MIPEP: variants seen among roughly 807,000 people sequenced by gnomAD.
MIPEP encodes mitochondrial intermediate peptidase.
MIPEP carries 79 observed loss-of-function variants against 90.3 expected under a neutral mutation model. The observed-to-expected ratio is 0.87, with a 90% CI of 0.73 to 1.05. The LOEUF is 1.05. Ranked by LOEUF, MIPEP falls within the 50% of genes least tolerant of loss-of-function variation. The pLI is 0.00. For synonymous variants in MIPEP, 334 were observed against 315.8 expected, an observed-to-expected ratio of 1.06 and a Z score of -0.61; for missense variants, 940 against 905.6, an observed-to-expected ratio of 1.04 and a Z score of -0.49.
intron 16 of MIPEP, among the ~76,000 whole-genome samples, chr13:23,762,948 C>T (rs1046902212): frequency 6.6e-6 from 1 of 152,190 alleles, no homozygotes; most frequent in African/African-American, 2.4e-5. Context: ...AGTCTTTTGC[C>T]AGCAAGGTCC....
chr13:23,878,104 G>A (rs1381511903), intron 4 of MIPEP, among the ~76,000 whole-genome samples: 1 of 152,168 alleles, frequency 6.6e-6, no homozygotes, highest in Non-Finnish European at 1.5e-5. Flanking sequence ...AGTAAATAGA[G>A]ATTATGAATA....
At chr13:23,771,933 G>C (rs954583016) in intron 16 of MIPEP, among the ~76,000 whole-genome samples, 3 of 152,040 alleles carry the variant, frequency 2.0e-5, no homozygotes, top group African/African-American at 7.3e-5. Flanking sequence ...GAGGTAAAAA[G>C]CCAGACGTGT....
At chr13:23,829,979 G>A (rs1263925823) in intron 14 of MIPEP, among the ~76,000 whole-genome samples, 1 of 152,186 alleles carries the variant, frequency 6.6e-6, no homozygotes, top group African/African-American at 2.4e-5. Context: ...GATGCTGCAC[G>A]ATAGAAACCA....
intron 15 of MIPEP, among the ~76,000 whole-genome samples, chr13:23,806,716 A>ATCTATC (rs753384541): frequency 1.4e-5 from 2 of 147,154 alleles, no homozygotes; most frequent in Admixed American, 6.8e-5. Context: ...AAAAAAATCT[A>ATCTATC]TATCTATCTA....
chr13:23,871,955 T>C (rs1482709493), intron 5 of MIPEP, among the ~76,000 whole-genome samples: 1 of 152,246 alleles, frequency 6.6e-6, no homozygotes, highest in East Asian at 1.9e-4. Context: ...TTGAAGATTT[T>C]ATCTACTGAT....
chr13:23,843,553 C>T lies in MIPEP; in HGVS notation c.1107-2065G>A, dbSNP rs191314450. On this transcript the variant is annotated intron_variant, in intron 10 of 18. Transcript: ENST00000382172. ...GTTGAGATAAAGAAAAATAAATATA[C>T]ATAGAATTTCTAATATTTTATGACT... Among the ~76,000 whole-genome samples, 379 of 152,292 alleles carry T rather than the reference C, an allele frequency of 2.5e-3. 2 individuals are homozygous for T. The highest frequency in any genetic ancestry group is 0.017 in the Middle Eastern group (5 of 294).
chr13:23,879,760 C>T (rs1471398102), intron 3 of MIPEP, among the ~76,000 whole-genome samples: 3 of 152,158 alleles, frequency 2.0e-5, no homozygotes, highest in African/African-American at 7.2e-5. Context: ...AGCCACCCAA[C>T]TGGGATGCAA....
chr13:23,756,787 T>C (rs1193732730), intron 17 of MIPEP, 169 bp from the exon 18 acceptor site: 8 of 615,154 alleles, frequency 1.3e-5, no homozygotes. Flanking sequence ...GGCTTTTAAA[T>C]TGTTCTAAAA....
At chr13:23,888,600 G>T in intron 1 of MIPEP, 1 of 656,850 alleles carries the variant, frequency 1.5e-6, no homozygotes, top group Non-Finnish European at 1.9e-6. Context: ...AGAGTTTTGT[G>T]TTTTAAAACA....
chr13:23,856,434 C>G (rs1183106386), intron 10 of MIPEP, among the ~76,000 whole-genome samples: 1 of 152,196 alleles, frequency 6.6e-6, no homozygotes, highest in African/African-American at 2.4e-5. Flanking sequence ...TCAGATCCTA[C>G]AGTGCGCCCA....
intron 14 of MIPEP, among the ~76,000 whole-genome samples, chr13:23,828,295 C>T (rs185639908): frequency 9.2e-5 from 14 of 152,312 alleles, no homozygotes; most frequent in African/African-American, 1.4e-4. Flanking sequence ...GCCCATACCA[C>T]GGCTTTTACT....
At chr13:23,749,388 ATTT>A (rs1952416652) in intron 18 of MIPEP, among the ~76,000 whole-genome samples, 1 of 152,244 alleles carries the variant, frequency 6.6e-6, no homozygotes, top group Non-Finnish European at 1.5e-5. Context: ...AACGCTTATT[ATTT>A]AAGCTGCTGT....
At chr13:23,747,560 C>T (rs1331531829) in intron 18 of MIPEP, 1 of 512,442 alleles carries the variant, frequency 2.0e-6, no homozygotes, top group Non-Finnish European at 3.9e-6. Context: ...AGTAAGAGAA[C>T]AGCTGAGAGA....
Position 23,806,980 on chromosome 13 carries a change from C to T in MIPEP, c.1729-911G>A, listed in dbSNP as rs1005763958. Among the ~76,000 whole-genome samples, 5 of 152,082 alleles carry T rather than the reference C, an allele frequency of 3.3e-5. No individual in the cohort carries two copies. The East Asian group carries it at 7.7e-4, about 23-fold the overall frequency. ...CAGCATCTCGTGAGTATAGATGTAT[C>T]GAAGAATTCTGATGCAGCTGTTGGA... On this transcript the variant is annotated intron_variant, in intron 15 of 18. Coordinates refer to ENST00000382172, the MANE Select transcript of MIPEP (RefSeq NM_005932.4).
chr13:23,863,895 G>A (rs1289435206), intron 8 of MIPEP, among the ~76,000 whole-genome samples: 1 of 152,162 alleles, frequency 6.6e-6, no homozygotes, highest in Non-Finnish European at 1.5e-5. Flanking sequence ...GATTTTTAAA[G>A]TGCAAATGAA....
chr13:23,748,359 T>C (rs980688251), intron 18 of MIPEP, among the ~76,000 whole-genome samples: 12 of 152,204 alleles, frequency 7.9e-5, no homozygotes, highest in African/African-American at 1.2e-4. Flanking sequence ...TGACAGTCAG[T>C]TGCCCTCCTA....
intron 17 of MIPEP, among the ~76,000 whole-genome samples, chr13:23,758,130 C>G (rs2138513510): frequency 6.6e-6 from 1 of 152,278 alleles, no homozygotes; most frequent in East Asian, 1.9e-4. Flanking sequence ...GGCGCCTCCC[C>G]TCAGGGGCAG....
chr13:23,790,897 C>A (rs1014969263), intron 16 of MIPEP, among the ~76,000 whole-genome samples: 1 of 152,210 alleles, frequency 6.6e-6, no homozygotes, highest in African/African-American at 2.4e-5. Context: ...TGATGATGTT[C>A]TTGGCCCTAA....
Position 23,805,920 on chromosome 13 carries a change from C to T in MIPEP, c.1848+30G>A, listed in dbSNP as rs996269599. On this transcript the variant is annotated intron_variant, in intron 16 of 18. Coordinates refer to ENST00000382172, the MANE Select transcript of MIPEP (RefSeq NM_005932.4). ...GAAGTAATAGCAGAACCACTCAATA[C>T]ACAAAACAGAAGCCAAATGCTGGAC... is the stretch of plus-strand genomic sequence containing the variant. The T allele has an allele frequency of 1.4e-5, 23 of 1,610,936 alleles. No homozygotes were observed. The Admixed American group carries it at 2.5e-4, about 18-fold the overall frequency.
Sources: gnomAD v4.1 joint callset for allele counts (sites outside exome capture counted in the v4.1 genomes callset) on GRCh38, gnomAD v4.1.1 for gene constraint, MANE v1.5 for transcripts, NCBI Gene and HGNC (gene_info 2026-07-23, HGNC 2026-07-21) for gene names.